Variants in DMTF1 observed in about 807,000 individuals in gnomAD.
The protein encoded by DMTF1 is cyclin D binding myb like transcription factor 1.
A neutral mutation model predicts 91.1 loss-of-function variants in DMTF1; 39 were observed. That is an observed-to-expected ratio of 0.43 (90% CI 0.33 to 0.56). The LOEUF is 0.56. Ranked by LOEUF, DMTF1 falls within the 20% of genes least tolerant of loss-of-function variation. The probability of loss-of-function intolerance (pLI) is 0.05; values close to 1 mark genes in which losing one functional copy is unlikely to be tolerated. For synonymous variants in DMTF1, 338 were observed against 309.5 expected, an observed-to-expected ratio of 1.09 and a Z score of -0.97; for missense variants, 750 against 914.5, an observed-to-expected ratio of 0.82 and a Z score of 2.32.
intron 7 of DMTF1, among the ~76,000 whole-genome samples, chr7:87,175,373 A>T (rs904897181): frequency 5.3e-5 from 8 of 152,114 alleles, no homozygotes; most frequent in Middle Eastern, 6.8e-3. Context: ...CTTACCTTTT[A>T]AAAAAAATCA....
chr7:87,157,069 A>G (rs188909916), intron 1 of DMTF1, among the ~76,000 whole-genome samples: 1 of 152,048 alleles, frequency 6.6e-6, no homozygotes, highest in African/African-American at 2.4e-5. Flanking sequence ...AAGACTTGCA[A>G]ATCACATAGA....
At chr7:87,166,924 G>A (rs111319184) in intron 4 of DMTF1, among the ~76,000 whole-genome samples, 1,892 of 151,462 alleles carry the variant, frequency 0.012, 15 homozygotes, top group Non-Finnish European at 0.018. Context: ...ATTTCTTAAT[G>A]TACTGTCTGT....
intron 3 of DMTF1, among the ~76,000 whole-genome samples, chr7:87,165,530 A>G (rs957895901): frequency 6.6e-6 from 1 of 152,194 alleles, no homozygotes; most frequent in Non-Finnish European, 1.5e-5. Context: ...TCTGAAGTTC[A>G]TCTTTACTCA....
At chr7:87,170,580 A>G (rs1485007722) in intron 4 of DMTF1, among the ~76,000 whole-genome samples, 1 of 152,160 alleles carries the variant, frequency 6.6e-6, no homozygotes, top group Non-Finnish European at 1.5e-5. Context: ...ACTAGCTTCC[A>G]TCCTCACTTG....
At chr7:87,184,035 A>T (rs1310747993) in intron 10 of DMTF1, among the ~76,000 whole-genome samples, 1 of 152,176 alleles carries the variant, frequency 6.6e-6, no homozygotes, top group Non-Finnish European at 1.5e-5. Flanking sequence ...AGTAAGAAAA[A>T]AAGCATGCCA....
At chr7:87,155,022 AT>A (rs1790312294) in intron 1 of DMTF1, among the ~76,000 whole-genome samples, 1 of 152,202 alleles carries the variant, frequency 6.6e-6, no homozygotes, top group Non-Finnish European at 1.5e-5. Flanking sequence ...ACATCTCATT[AT>A]TTTAAACAGT....
In DMTF1 at chr7:87,153,216, GTC is replaced by G. The variant is rs567576111; in HGVS notation, c.-132+668_-132+669del. 2.8e-3 allele frequency among the ~76,000 whole-genome samples: 423 copies of G among 152,222 alleles called. 3 individuals are homozygous for G. The highest frequency in any genetic ancestry group is 8.7e-3 in the African/African-American group (360 of 41,520). ...GAGAATCGGGATAGCTGGCCGAACCGTCTCTCTCAGTCTGACTCTCTTTAAAG... is the reference window on the plus strand; with the variant it reads ...GAGAATCGGGATAGCTGGCCGAACCGTCTCTCAGTCTGACTCTCTTTAAAG... On this transcript the variant is annotated intron_variant, in intron 1 of 17. Coordinates refer to ENST00000331242, the MANE Select transcript of DMTF1 (RefSeq NM_001142327.2).
intron 16 of DMTF1, chr7:87,194,308 A>T: frequency 9.0e-6 from 5 of 553,034 alleles, no homozygotes. Flanking sequence ...ATCTTACCAC[A>T]GTTCCTCACT....
At chr7:87,153,630 C>T (rs1344038233) in intron 1 of DMTF1, among the ~76,000 whole-genome samples, 2 of 152,120 alleles carry the variant, frequency 1.3e-5, no homozygotes, top group Non-Finnish European at 2.9e-5. Context: ...TTGTGTACCT[C>T]TTTTTAATGT....
rs142974442 is a variant in DMTF1 at position 87,184,516 on chromosome 7, G to C, written c.940G>C (p.Gly314Arg). Reference protein sequence around the residue: ...VSWAAVAERVGTRSEKQCRSK... With the variant: ...VSWAAVAERVRTRSEKQCRSK... Reference sequence around the variant, plus strand: ...TTGGGCAGCTGTGGCTGAACGAGTCGGTACCCGCTCAGAAAAGCAATGTCG... The same window carrying C: ...TTGGGCAGCTGTGGCTGAACGAGTCCGTACCCGCTCAGAAAAGCAATGTCG... The change falls in exon 11 of 18, where the codon GGT (glycine) becomes CGT (arginine). Residue 314 changes from glycine (G) to arginine (R), a missense_variant. Around this residue, in one of 3 missense-constraint regions of DMTF1, gnomAD observed 190 missense variants for 343.8 expected, o/e 0.55. Coordinates refer to ENST00000331242, the MANE Select transcript of DMTF1 (RefSeq NM_001142327.2). 3.1e-6 allele frequency: 5 copies of C among 1,613,976 alleles called. No homozygotes were observed. The highest frequency in any genetic ancestry group is 4.2e-6 in the Non-Finnish European group (5 of 1,179,948).
intron 1 of DMTF1, among the ~76,000 whole-genome samples, chr7:87,160,963 C>T (rs1269168975): frequency 6.6e-6 from 1 of 152,050 alleles, no homozygotes; most frequent in Non-Finnish European, 1.5e-5. Context: ...TAGGTCTAAT[C>T]CTGGCCTGTT....
intron 1 of DMTF1, among the ~76,000 whole-genome samples, chr7:87,154,995 T>TA (rs1010081414): frequency 2.2e-4 from 34 of 152,194 alleles, no homozygotes; most frequent in African/African-American, 5.5e-4. Flanking sequence ...GTAATAAACT[T>TA]ACATGTCCTG....
intron 12 of DMTF1, chr7:87,187,545 AAAATT>A (rs1798727157): frequency 6.5e-6 from 1 of 154,100 alleles, no homozygotes. Context: ...GTCTAAAAAT[AAAATT>A]AAATTAAAAA....
chr7:87,161,907 C>T (rs918205709), intron 1 of DMTF1, among the ~76,000 whole-genome samples: 3 of 152,072 alleles, frequency 2.0e-5, no homozygotes, highest in Non-Finnish European at 2.9e-5. Context: ...AAATATATTG[C>T]AGTATGATTG....
At chr7:87,185,693 T>C (rs1798250812) in intron 11 of DMTF1, 136 bp from the exon 12 acceptor site, 21 of 972,374 alleles carry the variant, frequency 2.2e-5, no homozygotes, top group Non-Finnish European at 3.1e-5. Context: ...TCCTTTCCCG[T>C]GTAACTTAAC....
At chr7:87,183,584 T>G (rs1413695556) in intron 10 of DMTF1, among the ~76,000 whole-genome samples, 1 of 152,198 alleles carries the variant, frequency 6.6e-6, no homozygotes, top group Non-Finnish European at 1.5e-5. Flanking sequence ...TGGCATATAA[T>G]GAAAATTCAA....
chr7:87,161,467 A>G (rs979878299), intron 1 of DMTF1, among the ~76,000 whole-genome samples: 3 of 152,252 alleles, frequency 2.0e-5, no homozygotes, highest in African/African-American at 7.2e-5. Context: ...GTGCCACTGC[A>G]CTACAGCCTG....
At chr7:87,166,364 A>T in intron 3 of DMTF1, 119 bp from the exon 4 acceptor site, 2 of 1,003,706 alleles carry the variant, frequency 2.0e-6, no homozygotes, top group Non-Finnish European at 2.9e-6. Flanking sequence ...AGGTTTAGTT[A>T]AATGAGCAAA....
At chr7:87,194,407 G>T (rs977659515) in intron 16 of DMTF1, 1 of 436,664 alleles carries the variant, frequency 2.3e-6, no homozygotes, top group African/African-American at 2.1e-5. Context: ...TAATCTTTGT[G>T]GTTCAGCCTA....
Sources: gnomAD v4.1 joint callset for allele counts (sites outside exome capture counted in the v4.1 genomes callset) on GRCh38, gnomAD v4.1.1 for gene constraint, gnomAD v4.1.1 regional missense constraint, MANE v1.5 for transcripts, NCBI Gene and HGNC (gene_info 2026-07-23, HGNC 2026-07-21) for gene names.